DLC1: variants seen among roughly 807,000 people sequenced by gnomAD.
DLC1 encodes the protein rho GTPase-activating protein 7.
In DLC1, 54 loss-of-function variants were observed where a neutral mutation model predicts 140.3. The observed-to-expected ratio is 0.38, with a 90% confidence interval of 0.31 to 0.48. The LOEUF (loss-of-function observed/expected upper bound fraction) is 0.48, where lower values mean the gene tolerates loss of function less well. Among genes scored for constraint, DLC1 ranks in the 20% least tolerant of loss-of-function variants. The probability of loss-of-function intolerance (pLI) is 0.96; values close to 1 mark genes in which losing one functional copy is unlikely to be tolerated. For missense variants in DLC1, 2,536 were observed against 1,907.0 expected, an observed-to-expected ratio of 1.33 and a Z score of -6.14; for synonymous variants, 986 against 728.1, an observed-to-expected ratio of 1.35 and a Z score of -5.70.
At chr8:13,558,084 G>T (rs953717460) in intron 1 of DLC1, 21 of 152,170 alleles carry the variant, frequency 1.4e-4, no homozygotes, top group African/African-American at 4.6e-4. Flanking sequence ...ACTCATAGCA[G>T]GTTGTTTCAG....
At chr8:13,243,288 C>G (rs1445550470) in intron 5 of DLC1, among the ~76,000 whole-genome samples, 1 of 42,168 alleles carries the variant, frequency 2.4e-5, no homozygotes, top group East Asian at 7.6e-4. Flanking sequence ...GAGACTCTGT[C>G]TCAAAAAAAA....
At chr8:13,345,522 G>A (rs1211350574) in intron 4 of DLC1, among the ~76,000 whole-genome samples, 2 of 136,326 alleles carry the variant, frequency 1.5e-5, no homozygotes, top group Non-Finnish European at 3.1e-5. Context: ...GTTAATCGAC[G>A]ATTATCTGAA....
chr8:13,587,077 TACACACACACACAC>T (rs3066501), intron 1 of DLC1, among the ~76,000 whole-genome samples: 20 of 142,910 alleles, frequency 1.4e-4, no homozygotes, highest in African/African-American at 4.9e-4. Context: ...GAAAATAGTT[TACACACACACACAC>T]ACACACACAC....
intron 5 of DLC1, among the ~76,000 whole-genome samples, chr8:13,123,341 G>A (rs187002843): frequency 8.9e-5 from 11 of 123,298 alleles, no homozygotes; most frequent in African/African-American, 1.3e-4. Flanking sequence ...CCCCGCCCCC[G>A]CACCTTTTTG....
chr8:13,413,422 C>G (rs1013187837), intron 2 of DLC1, among the ~76,000 whole-genome samples: 1 of 151,688 alleles, frequency 6.6e-6, no homozygotes, highest in Non-Finnish European at 1.5e-5. Context: ...CTCTCTCTCT[C>G]CTACACACAC....
rs80240881 is a variant in DLC1, at chr8:13,387,301, T to C, written c.1314+6252A>G. ...TAAAAGACAGTACTTTATCCTTCTG[T>C]TTTGTTTTAAATATTGAACAGCATT... On this transcript the variant is annotated intron_variant, in intron 4 of 17. Coordinates refer to ENST00000276297, the MANE Select transcript of DLC1 (RefSeq NM_182643.3). 1.2e-3 allele frequency among the ~76,000 whole-genome samples: 180 copies of C among 152,140 alleles called. 4 individuals carry two copies. In the South Asian group the frequency reaches 0.013, roughly 11 times the overall value.
chr8:13,106,443 G>A (rs1429252457), intron 7 of DLC1, among the ~76,000 whole-genome samples: 1 of 152,080 alleles, frequency 6.6e-6, no homozygotes, highest in African/African-American at 2.4e-5. Context: ...GACCTCCTGG[G>A]CTCACAGGAT....
intron 7 of DLC1, among the ~76,000 whole-genome samples, chr8:13,103,817 G>C (rs906447141): frequency 2.6e-4 from 34 of 129,766 alleles, no homozygotes; most frequent in Admixed American, 7.0e-4. Flanking sequence ...TCCAGCCTGG[G>C]CAAAAGAGCC....
At chr8:13,420,194 T>G (rs201705463) in intron 2 of DLC1, among the ~76,000 whole-genome samples, 1 of 152,158 alleles carries the variant, frequency 6.6e-6, no homozygotes, top group African/African-American at 2.4e-5. Flanking sequence ...TTTGAAGGGT[T>G]TTTTGTGTCT....
chr8:13,573,657 A>G (rs548532931), intron 1 of DLC1, among the ~76,000 whole-genome samples: 1 of 152,286 alleles, frequency 6.6e-6, no homozygotes, highest in African/African-American at 2.4e-5. Context: ...TTTGTATCAT[A>G]AAAGTGTTTC....
intron 1 of DLC1, among the ~76,000 whole-genome samples, chr8:13,534,298 C>T (rs1310798580): frequency 2.0e-5 from 3 of 152,130 alleles, no homozygotes; most frequent in Non-Finnish European, 2.9e-5. Flanking sequence ...GTTTGCACTA[C>T]CTTTTACTTC....
chr8:13,347,429 G>T (rs1368180276), intron 4 of DLC1, among the ~76,000 whole-genome samples: 1 of 152,198 alleles, frequency 6.6e-6, no homozygotes, highest in Non-Finnish European at 1.5e-5. Flanking sequence ...GGGAGCAGCA[G>T]GGCTGGACAC....
At chr8:13,588,215 G>A (rs760762902) in intron 1 of DLC1, among the ~76,000 whole-genome samples, 1 of 151,958 alleles carries the variant, frequency 6.6e-6, no homozygotes, top group African/African-American at 2.4e-5. Context: ...AAAGAATGGG[G>A]TTAAAAAAAT....
chr8:13,390,817 C>A (rs1836722168), intron 4 of DLC1, among the ~76,000 whole-genome samples: 1 of 151,956 alleles, frequency 6.6e-6, no homozygotes, highest in Non-Finnish European at 1.5e-5. Context: ...GAAACCGTCT[C>A]TCTACTAAAA....
At chr8:13,525,120 C>G (rs1328156320) in intron 1 of DLC1, among the ~76,000 whole-genome samples, 1 of 152,154 alleles carries the variant, frequency 6.6e-6, no homozygotes, top group Non-Finnish European at 1.5e-5. Flanking sequence ...GGCTTCTTCA[C>G]TTAGCATAAT....
chr8:13,519,763 T>C (rs978248676), upstream of DLC1, among the ~76,000 whole-genome samples: 3 of 152,120 alleles, frequency 2.0e-5, no homozygotes, highest in African/African-American at 7.2e-5. Flanking sequence ...AACAAAGTTA[T>C]CTTGATAAAT....
chr8:13,308,133 C>T (rs960758163), intron 4 of DLC1, among the ~76,000 whole-genome samples: 3 of 152,138 alleles, frequency 2.0e-5, no homozygotes, highest in African/African-American at 4.8e-5. Context: ...TATAACCATG[C>T]ATGTGTAATT....
chr8:13,124,274 G>C lies in DLC1; in HGVS notation c.1349-8617C>G, dbSNP rs546412028. On this transcript the variant is annotated intron_variant, in intron 5 of 17. Transcript: ENST00000276297. ...GACAAGTGGGGTCTGCCTGGGCCCA[G>C]TCTGTACTCCTTTATTTAAGGAAGC... 1.5e-4 allele frequency among the ~76,000 whole-genome samples: 23 copies of C among 152,274 alleles called. No individual in the cohort carries two copies. The South Asian group carries it at 4.8e-3, about 32-fold the overall frequency.
intron 2 of DLC1, among the ~76,000 whole-genome samples, chr8:13,494,673 G>A (rs556911370): frequency 1.2e-4 from 19 of 152,044 alleles, no homozygotes; most frequent in Non-Finnish European, 2.2e-4. Context: ...GATATAGGCC[G>A]GGCACAGTGG....
Sources: allele counts gnomAD v4.1 joint callset (sites outside exome capture counted in the v4.1 genomes callset), GRCh38; gene constraint gnomAD v4.1.1; transcripts MANE v1.5; gene names NCBI Gene and HGNC (gene_info 2026-07-23, HGNC 2026-07-21).